The following MGMT variants were observed in gnomAD, a reference collection of about 807,000 sequenced individuals.
MGMT encodes methylated-DNA--protein-cysteine methyltransferase.
A neutral mutation model predicts 15.9 loss-of-function variants in MGMT; 14 were observed. That is an observed-to-expected ratio of 0.88 (90% CI 0.58 to 1.37). MGMT has a LOEUF of 1.37. Among genes scored for constraint, MGMT ranks in the 40% most tolerant of loss-of-function variants. The pLI, the probability that MGMT is intolerant of heterozygous loss-of-function variation, is 0.00. For missense variants in MGMT, 282 were observed against 268.1 expected (o/e 1.05, Z -0.36); for synonymous variants, 130 against 118.2 (o/e 1.10, Z -0.65).
intron 2 of MGMT, among the ~76,000 whole-genome samples, chr10:129,650,919 T>G (rs1285340998): frequency 6.6e-6 from 1 of 152,198 alleles, no homozygotes; most frequent in Non-Finnish European, 1.5e-5. Context: ...GCTCCCGCAT[T>G]GTGGCCAGGA....
chr10:129,549,395 T>C (rs999909979), intron 2 of MGMT, among the ~76,000 whole-genome samples: 3 of 152,300 alleles, frequency 2.0e-5, no homozygotes, highest in African/African-American at 7.2e-5. Context: ...GGAGAAGAAA[T>C]TGACAAACAA....
chr10:129,766,530 CT>C (rs1342076665), intron 4 of MGMT, among the ~76,000 whole-genome samples: 1 of 152,248 alleles, frequency 6.6e-6, no homozygotes, highest in Non-Finnish European at 1.5e-5. Context: ...AAGCAATTCT[CT>C]GAGGATGCCC....
chr10:129,694,489 C>T (rs1347286132), intron 2 of MGMT, among the ~76,000 whole-genome samples: 1 of 152,206 alleles, frequency 6.6e-6, no homozygotes, highest in Non-Finnish European at 1.5e-5. Context: ...AGGAAAAAGG[C>T]ATACAAAATT....
intron 2 of MGMT, among the ~76,000 whole-genome samples, chr10:129,695,885 C>A (rs559105668): frequency 1.8e-4 from 27 of 152,152 alleles, no homozygotes; most frequent in Non-Finnish European, 3.5e-4. Context: ...GCACTTTGCT[C>A]TTCCGGTGGA....
intron 2 of MGMT, among the ~76,000 whole-genome samples, chr10:129,692,655 C>T (rs979246811): frequency 6.6e-6 from 1 of 152,084 alleles, no homozygotes; most frequent in African/African-American, 2.4e-5. Flanking sequence ...CCTGTGGGTC[C>T]GGGTGTGGCG....
intron 1 of MGMT, among the ~76,000 whole-genome samples, chr10:129,494,368 A>G (rs1227172352): frequency 6.6e-6 from 1 of 152,152 alleles, no homozygotes; most frequent in Admixed American, 6.5e-5. Flanking sequence ...GTGGAGCTCA[A>G]GCTTCCCTGG....
chr10:129,702,492 G>T (rs1490292017), intron 2 of MGMT, among the ~76,000 whole-genome samples: 1 of 152,226 alleles, frequency 6.6e-6, no homozygotes, highest in Non-Finnish European at 1.5e-5. Flanking sequence ...GATGGGCTCT[G>T]AGTGTTTCCC....
chr10:129,601,225 C>G (rs971641332), intron 2 of MGMT, among the ~76,000 whole-genome samples: 1 of 151,964 alleles, frequency 6.6e-6, no homozygotes, highest in Non-Finnish European at 1.5e-5. Context: ...AGTGGAGTAG[C>G]AAGCAGAGGT....
At chr10:129,612,345 G>A (rs1218362814) in intron 2 of MGMT, among the ~76,000 whole-genome samples, 5 of 152,184 alleles carry the variant, frequency 3.3e-5, no homozygotes, top group African/African-American at 1.2e-4. Context: ...GAGGTATAGC[G>A]AAGCATATCC....
chr10:129,496,577 G>A (rs181414318), intron 1 of MGMT, among the ~76,000 whole-genome samples: 9 of 152,208 alleles, frequency 5.9e-5, no homozygotes, highest in South Asian at 2.1e-4. Flanking sequence ...GGCCTGACCC[G>A]GAACCCACTC....
At chr10:129,515,219 A>C (rs549797377) in intron 1 of MGMT, among the ~76,000 whole-genome samples, 37 of 152,338 alleles carry the variant, frequency 2.4e-4, no homozygotes, top group Non-Finnish European at 4.7e-4. Context: ...ACACGTGTGC[A>C]GGACAGGCGG....
intron 2 of MGMT, among the ~76,000 whole-genome samples, chr10:129,574,123 C>T (rs34463549): frequency 0.09 from 13,712 of 152,264 alleles, 677 homozygotes; most frequent in African/African-American, 0.11. Context: ...TATTTATGCG[C>T]AGTTACTGTC....
chr10:129,643,233 G>A (rs368557828), intron 2 of MGMT, among the ~76,000 whole-genome samples: 3 of 152,144 alleles, frequency 2.0e-5, no homozygotes, highest in African/African-American at 7.2e-5. Context: ...GAGGCTGTGG[G>A]GTGGGAGGAG....
intron 2 of MGMT, among the ~76,000 whole-genome samples, chr10:129,572,270 C>T (rs1182148784): frequency 6.6e-6 from 1 of 152,076 alleles, no homozygotes; most frequent in African/African-American, 2.4e-5. Flanking sequence ...GAAACTTGTC[C>T]TGGAAAACCT....
intron 2 of MGMT, among the ~76,000 whole-genome samples, chr10:129,655,573 T>C (rs1240162596): frequency 1.3e-5 from 2 of 152,160 alleles, no homozygotes; most frequent in African/African-American, 4.8e-5. Context: ...CTTCTGTGCA[T>C]GTTCGTGTGT....
intron 3 of MGMT, among the ~76,000 whole-genome samples, chr10:129,750,780 G>C (rs1163190803): frequency 6.6e-6 from 1 of 152,074 alleles, no homozygotes; most frequent in Non-Finnish European, 1.5e-5. Flanking sequence ...GTATATCTGT[G>C]TGTGCCTGTT....
At chr10:129,575,020 G>A (rs1846463589) in intron 2 of MGMT, among the ~76,000 whole-genome samples, 1 of 152,104 alleles carries the variant, frequency 6.6e-6, no homozygotes, top group Non-Finnish European at 1.5e-5. Context: ...TCTCCACACA[G>A]CATCAAACCT....
At chr10:129,720,347 G>A (rs940804832) in intron 3 of MGMT, among the ~76,000 whole-genome samples, 5 of 152,188 alleles carry the variant, frequency 3.3e-5, no homozygotes, top group Admixed American at 3.3e-4. Context: ...AAGCATGATT[G>A]GAGTGGGGTC....
intron 2 of MGMT, among the ~76,000 whole-genome samples, chr10:129,636,942 C>G (rs74160248): frequency 0.01 from 1,525 of 152,296 alleles, 29 homozygotes; most frequent in African/African-American, 0.035. Flanking sequence ...TTGACAAGAG[C>G]AGCCACACTC....
Sources: allele counts gnomAD v4.1 joint callset (sites outside exome capture counted in the v4.1 genomes callset), GRCh38; gene constraint gnomAD v4.1.1; transcripts MANE v1.5; gene names NCBI Gene and HGNC (gene_info 2026-07-23, HGNC 2026-07-21).